Variants in ATXN7 observed in about 807,000 individuals in gnomAD.
ATXN7 encodes ataxin-7.
In ATXN7, 12 loss-of-function variants were observed where a neutral mutation model predicts 70.5. The ratio of observed to expected loss-of-function variants is 0.17; its 90% CI spans 0.11 to 0.28. The LOEUF (loss-of-function observed/expected upper bound fraction) is 0.28. ATXN7 is among the 10% of genes least tolerant of loss of function. The pLI, the probability that ATXN7 is intolerant of heterozygous loss-of-function variation, is 1.00. For synonymous variants in ATXN7, 498 were observed against 448.7 expected, an observed-to-expected ratio of 1.11 and a Z score of -1.39; for missense variants, 1,256 against 1,131.7, an observed-to-expected ratio of 1.11 and a Z score of -1.58.
At chr3:63,983,677 G>A (rs917310912) in intron 8 of ATXN7, among the ~76,000 whole-genome samples, 2 of 152,004 alleles carry the variant, frequency 1.3e-5, no homozygotes, top group Non-Finnish European at 2.9e-5. Flanking sequence ...AAAATGTAAT[G>A]GTCTTCCTTT....
At position 63,997,246 on chromosome 3, in the gene ATXN7, T is replaced by A. The variant is rs575168135; in HGVS notation, c.2661+763T>A. ...GCACTCCATCCGGCCTATGAGACTATGTCTCAAAAAAAAAAGAGCATTTAT... is the reference window on the plus strand; with the variant it reads ...GCACTCCATCCGGCCTATGAGACTAAGTCTCAAAAAAAAAAGAGCATTTAT... On this transcript the variant is annotated intron_variant, in intron 12 of 12. Transcript: ENST00000674280. 5.3e-5 allele frequency among the ~76,000 whole-genome samples: 8 copies of A among 151,912 alleles called. No individual in the cohort carries two copies. In the South Asian group the frequency reaches 1.7e-3, roughly 32 times the overall value.
intron 5 of ATXN7, among the ~76,000 whole-genome samples, chr3:63,965,263 A>G (rs529748895): frequency 6.6e-6 from 1 of 152,064 alleles, no homozygotes; most frequent in Non-Finnish European, 1.5e-5. Flanking sequence ...CATTATCTCA[A>G]ATTTACTCCT....
At position 63,996,313 on chromosome 3, in the gene ATXN7, A is replaced by C. The variant is rs1196024329; in HGVS notation, c.2491A>C (p.Lys831Gln). 1.9e-6 allele frequency: 3 copies of C among 1,614,042 alleles called. No homozygotes were observed. In the Admixed American group the frequency reaches 5.0e-5, roughly 27 times the overall value. Residue 831 changes from lysine to glutamine, a missense_variant, in exon 12 of 13, where the codon AAA becomes CAA. Physicochemically the swap from Lys to Gln is moderately conservative, Grantham distance 53 (BLOSUM62 1). Transcript: ENST00000674280. Reference sequence around the variant, plus strand: ...TTCCCACTCACACACTCCTCTAGACAAACTCATAGGAAAGAAAAGAAAGTG... The same window carrying C: ...TTCCCACTCACACACTCCTCTAGACCAACTCATAGGAAAGAAAAGAAAGTG... ...SFSHSHTPLD[K>Q]LIGKKRKCSP... is the part of the protein sequence containing the mutation.
At chr3:63,994,164 A>G (rs1452593824) in intron 11 of ATXN7, among the ~76,000 whole-genome samples, 3 of 152,292 alleles carry the variant, frequency 2.0e-5, no homozygotes, top group East Asian at 1.9e-4. Flanking sequence ...GTAATGTGCA[A>G]CAGCTGGAGT....
chr3:63,865,921 A>AAAAAAAAAG (rs1702408544), intron 1 of ATXN7, among the ~76,000 whole-genome samples: 1 of 149,756 alleles, frequency 6.7e-6, no homozygotes, highest in African/African-American at 2.5e-5. Context: ...AAAAAAAAAA[A>AAAAAAAAAG]AAAAGAAAGT....
chr3:63,887,954 T>G (rs1438487331), intron 1 of ATXN7, among the ~76,000 whole-genome samples: 1 of 152,068 alleles, frequency 6.6e-6, no homozygotes, highest in Non-Finnish European at 1.5e-5. Context: ...GTGTTTTTAT[T>G]TTTTACATAT....
chr3:63,894,373 G>A (rs1412245897), intron 1 of ATXN7, among the ~76,000 whole-genome samples: 1 of 152,184 alleles, frequency 6.6e-6, no homozygotes, highest in African/African-American at 2.4e-5. Context: ...AAACAAAAAA[G>A]TGGGCTATTT....
chr3:63,912,502 C>G lies in ATXN7; in HGVS notation c.-11-86C>G, dbSNP rs1433479400. On this transcript the variant is annotated intron_variant, in intron 2 of 12. Transcript: ENST00000674280. ...CAGCGTGCCCCACCCGGTCCGCGGG[C>G]CGCGCACGCCGCCGGAACTCCCTGG... 3 of 902,394 alleles carry G rather than the reference C, an allele frequency of 3.3e-6. No individual in the cohort carries two copies. In the East Asian group the frequency reaches 3.4e-4, roughly 103 times the overall value. 55.9% of individuals were successfully genotyped at this position (902,394 alleles called of 1,614,324 possible). A position where few individuals can be genotyped will look rare whatever the true frequency, so the allele number is the denominator to read the frequency against.
intron 1 of ATXN7, among the ~76,000 whole-genome samples, chr3:63,893,714 T>G (rs1703356985): frequency 6.6e-6 from 1 of 152,226 alleles, no homozygotes; most frequent in African/African-American, 2.4e-5. Flanking sequence ...TGGCTCCCTC[T>G]CCACTTGTGT....
chr3:63,987,393 T>C (rs2075594984), intron 8 of ATXN7, among the ~76,000 whole-genome samples: 1 of 152,178 alleles, frequency 6.6e-6, no homozygotes, highest in Admixed American at 6.5e-5. Flanking sequence ...TTTCCTTAAT[T>C]TCCATAGCCA....
intron 2 of ATXN7, among the ~76,000 whole-genome samples, chr3:63,906,518 TG>T (rs1444772516): frequency 3.9e-5 from 6 of 152,204 alleles, no homozygotes; most frequent in Admixed American, 3.3e-4. Flanking sequence ...TGTTGATCTC[TG>T]GGAGACTAAA....
At chr3:63,865,923 A>G (rs1178220434) in intron 1 of ATXN7, among the ~76,000 whole-genome samples, 1 of 149,528 alleles carries the variant, frequency 6.7e-6, no homozygotes, top group African/African-American at 2.5e-5. Flanking sequence ...AAAAAAAAAA[A>G]AAGAAAGTAA....
intron 4 of ATXN7, among the ~76,000 whole-genome samples, chr3:63,945,023 C>G (rs545775049): frequency 1.3e-5 from 2 of 152,300 alleles, no homozygotes; most frequent in South Asian, 2.1e-4. Flanking sequence ...AACTCCTGAC[C>G]TTAAGTGATC....
chr3:63,863,727 A>T (rs1702302825), upstream of ATXN7: 1 of 1,248,788 alleles, frequency 8.0e-7, no homozygotes. Context: ...GGGGAGGCCC[A>T]GCGGGCCGTG....
intron 4 of ATXN7, among the ~76,000 whole-genome samples, chr3:63,946,772 T>C (rs1264436126): frequency 6.6e-6 from 1 of 152,166 alleles, no homozygotes; most frequent in Non-Finnish European, 1.5e-5. Flanking sequence ...AGGCGCCTTG[T>C]TGCAGAGCAG....
chr3:63,913,309 A>C, intron 4 of ATXN7, 84 bp downstream of exon 4: 1 of 1,352,194 alleles, frequency 7.4e-7, no homozygotes, highest in Non-Finnish European at 1.0e-6. Flanking sequence ...ACATCAGCCC[A>C]CCATACCGAC....
At chr3:63,990,627 C>G in intron 10 of ATXN7, 111 bp from the exon 11 acceptor site, 1 of 1,533,024 alleles carries the variant, frequency 6.5e-7, no homozygotes, top group African/African-American at 1.4e-5. Flanking sequence ...CTCCGGTACT[C>G]AGAGGCAGTT....
At chr3:63,890,317 AGT>A (rs1400255023) in intron 1 of ATXN7, among the ~76,000 whole-genome samples, 1 of 152,226 alleles carries the variant, frequency 6.6e-6, no homozygotes, top group African/African-American at 2.4e-5. Flanking sequence ...TTCATGAGAC[AGT>A]GTGTAAAATG....
intron 11 of ATXN7, among the ~76,000 whole-genome samples, chr3:63,992,016 A>T (rs1022335849): frequency 6.6e-5 from 10 of 152,102 alleles, no homozygotes; most frequent in South Asian, 2.1e-4. Context: ...ACTTTGGTGA[A>T]TAGTAAGCTT....
Sources: allele counts gnomAD v4.1 joint callset (sites outside exome capture counted in the v4.1 genomes callset), GRCh38; gene constraint gnomAD v4.1.1; transcripts MANE v1.5; gene names NCBI Gene and HGNC (gene_info 2026-07-23, HGNC 2026-07-21).